FBXL4: variants seen among roughly 807,000 people sequenced by gnomAD.
FBXL4 encodes F-box and leucine rich repeat protein 4.
FBXL4 carries 40 observed loss-of-function variants against 58.9 expected under a neutral mutation model. The ratio of observed to expected loss-of-function variants is 0.68; its 90% CI spans 0.53 to 0.88. The LOEUF (loss-of-function observed/expected upper bound fraction) is 0.88, where lower values mean the gene tolerates loss of function less well. FBXL4 is among the 40% of genes least tolerant of loss of function. The pLI is 0.00. For missense variants in FBXL4, 676 were observed against 734.4 expected (o/e 0.92, Z 0.92); for synonymous variants, 263 against 265.5 (o/e 0.99, Z 0.09).
chr6:98,910,860 C>T (rs947337448), intron 5 of FBXL4, among the ~76,000 whole-genome samples: 4 of 152,084 alleles, frequency 2.6e-5, no homozygotes, highest in South Asian at 2.1e-4. Context: ...GTGCGCCAGC[C>T]GAAGCAGGGC....
In FBXL4 at chr6:98,874,348, TC is replaced by T; in HGVS notation, c.1795del (p.Asp599IlefsTer6). 1 of 1,613,078 alleles carries T rather than the reference TC, an allele frequency of 6.2e-7. No homozygotes were observed. ...ATTCAGTTCTAGCACAGCTCTGTTA[TC>T]AATCTGCGAACAGAAGGACACATCA... ...LLDVSFCSQI[D>X]NRAVLELNAS... is the part of the protein sequence containing the mutation. On this transcript the variant is annotated frameshift_variant, in exon 10 of 10. Transcript: ENST00000369244. LOFTEE classifies it high-confidence loss of function.
At chr6:98,901,343 TGAA>T (rs1169273549) in intron 6 of FBXL4, among the ~76,000 whole-genome samples, 1 of 151,360 alleles carries the variant, frequency 6.6e-6, no homozygotes, top group Admixed American at 6.6e-5. Flanking sequence ...ACAAGCAGAG[TGAA>T]GAACAGTGAG....
At chr6:98,942,572 CT>C (rs1248963293) in intron 1 of FBXL4, among the ~76,000 whole-genome samples, 1 of 152,120 alleles carries the variant, frequency 6.6e-6, no homozygotes, top group Non-Finnish European at 1.5e-5. Context: ...ATGTAAGACC[CT>C]TGCTCCTGCT....
intron 1 of FBXL4, among the ~76,000 whole-genome samples, chr6:98,941,075 C>T (rs980636100): frequency 5.3e-5 from 8 of 152,144 alleles, no homozygotes; most frequent in Non-Finnish European, 1.5e-5. Flanking sequence ...GAGGTATTTA[C>T]TCAAGTGTAC....
At position 98,900,226 on chromosome 6, in the gene FBXL4, A is replaced by C. The variant is rs142613504; in HGVS notation, c.1104-745T>G. Among the ~76,000 whole-genome samples the C allele has an allele frequency of 4.0e-3, 612 of 152,312 alleles. 2 individuals are homozygous for C. Among genetic ancestry groups the C allele is most frequent in the Middle Eastern group, 6.8e-3 (2 of 294 alleles). On this transcript the variant is annotated intron_variant, in intron 6 of 9. Coordinates refer to ENST00000369244, the MANE Select transcript of FBXL4 (RefSeq NM_001278716.2). ...TGAAAACAATCTAAAAGTAAACATG[A>C]ATCTAGGAGTATTTGAATCCATGAA...
At chr6:98,878,077 A>G (rs577122607) in intron 8 of FBXL4, among the ~76,000 whole-genome samples, 1 of 152,202 alleles carries the variant, frequency 6.6e-6, no homozygotes, top group Non-Finnish European at 1.5e-5. Flanking sequence ...CTAATTTAGT[A>G]TCTACATTAA....
rs1773143296 is a variant in FBXL4 at position 98,934,787 on chromosome 6, A to G, written c.-216T>C. The G allele has an allele frequency of 6.6e-6, 1 of 152,328 alleles. No individual in the cohort carries two copies. Among genetic ancestry groups the G allele is most frequent in the Middle Eastern group, 3.4e-3 (1 of 294 alleles). 9.4% of individuals were successfully genotyped at this position (152,328 alleles called of 1,614,324 possible). On this transcript the variant is annotated 5_prime_UTR_variant, in exon 2 of 10. Transcript: ENST00000369244. Reference sequence around the variant, plus strand: ...CTGAAACATATGGATCAAGAGGAAGACTGGAGACTCCTATCCAGCTTCAAA... The same window carrying G: ...CTGAAACATATGGATCAAGAGGAAGGCTGGAGACTCCTATCCAGCTTCAAA...
intron 7 of FBXL4, among the ~76,000 whole-genome samples, chr6:98,890,446 T>C (rs947836368): frequency 1.3e-5 from 2 of 152,188 alleles, no homozygotes; most frequent in African/African-American, 2.4e-5. Flanking sequence ...TATAAAAGTA[T>C]ATTCACTAAA....
intron 2 of FBXL4, among the ~76,000 whole-genome samples, chr6:98,933,183 GCT>G (rs1406308390): frequency 6.6e-6 from 1 of 152,148 alleles, no homozygotes; most frequent in Non-Finnish European, 1.5e-5. Flanking sequence ...ATTCCTATCA[GCT>G]CTCTTTCCTG....
Position 98,870,743 on chromosome 6 carries a change from A to T in FBXL4, c.*3535T>A, listed in dbSNP as rs1349401002. ...TTTTAAAAATCAGATTAGATGTCAG[A>T]GTATGATGTTTAATATGCAATGTCA... On this transcript the variant is annotated 3_prime_UTR_variant, in exon 10 of 10. Coordinates refer to ENST00000369244, the MANE Select transcript of FBXL4 (RefSeq NM_001278716.2). The T allele has an allele frequency of 6.6e-6, 1 of 152,206 alleles. No homozygotes were observed. Among genetic ancestry groups the T allele is most frequent in the Non-Finnish European group, 1.5e-5 (1 of 68,042 alleles). The allele number at this position is 152,206 out of a possible 1,614,324, so 9.4% of individuals were successfully genotyped here. A position where few individuals can be genotyped will look rare whatever the true frequency, so the allele number is the denominator to read the frequency against.
intron 7 of FBXL4, among the ~76,000 whole-genome samples, chr6:98,886,678 G>C (rs914324607): frequency 6.6e-6 from 1 of 152,180 alleles, no homozygotes; most frequent in Non-Finnish European, 1.5e-5. Context: ...TGAAGGTATA[G>C]AGGTCCTGCT....
chr6:98,942,272 T>C (rs1380337654), intron 1 of FBXL4, among the ~76,000 whole-genome samples: 1 of 151,968 alleles, frequency 6.6e-6, no homozygotes, highest in African/African-American at 2.4e-5. Context: ...AGTGACCTTA[T>C]AGTTAAATCT....
intron 7 of FBXL4, among the ~76,000 whole-genome samples, chr6:98,889,246 A>C (rs1206486996): frequency 6.6e-6 from 1 of 152,210 alleles, no homozygotes; most frequent in East Asian, 1.9e-4. Flanking sequence ...AGGACTGCAA[A>C]GGAATTAGTC....
At chr6:98,882,243 A>T (rs878963923) in intron 7 of FBXL4, among the ~76,000 whole-genome samples, 1 of 151,870 alleles carries the variant, frequency 6.6e-6, no homozygotes, top group Non-Finnish European at 1.5e-5. Context: ...ACATTTTGAC[A>T]TTCTTTGCTT....
At chr6:98,929,544 C>A (rs942023837) in intron 2 of FBXL4, among the ~76,000 whole-genome samples, 5 of 145,866 alleles carry the variant, frequency 3.4e-5, no homozygotes, top group Non-Finnish European at 5.9e-5. Context: ...GCACTCCAGC[C>A]TGGGCAACAA....
At chr6:98,927,630 T>C (rs1287531737) in intron 3 of FBXL4, 75 bp downstream of exon 3, 1 of 152,356 alleles carries the variant, frequency 6.6e-6, no homozygotes, top group African/African-American at 2.4e-5. Context: ...TTATAACTCC[T>C]AGCATTATTT....
chr6:98,931,542 G>A (rs1773010324), intron 2 of FBXL4, among the ~76,000 whole-genome samples: 1 of 152,052 alleles, frequency 6.6e-6, no homozygotes, highest in African/African-American at 2.4e-5. Flanking sequence ...AATTTTTAAA[G>A]GAAGGAAATG....
At position 98,870,452 on chromosome 6, in the gene FBXL4, A is replaced by G. The variant is rs1425558686; in HGVS notation, c.*3826T>C. The G allele has an allele frequency of 6.6e-6, 1 of 152,228 alleles. No individual in the cohort carries two copies. The highest frequency in any genetic ancestry group is 2.4e-5 in the African/African-American group (1 of 41,462). 9.4% of individuals were successfully genotyped at this position (152,228 alleles called of 1,614,324 possible). A position where few individuals can be genotyped will look rare whatever the true frequency, so the allele number is the denominator to read the frequency against. Reference sequence around the variant, plus strand: ...CATGGCCACACTCATTCGTTTAGGTACTGTCTATGATTGCTTTCACATTAG... The same window carrying G: ...CATGGCCACACTCATTCGTTTAGGTGCTGTCTATGATTGCTTTCACATTAG... On this transcript the variant is annotated 3_prime_UTR_variant, in exon 10 of 10. Transcript: ENST00000369244.
intron 5 of FBXL4, among the ~76,000 whole-genome samples, chr6:98,912,229 G>A (rs9372983): frequency 0.072 from 10,960 of 152,268 alleles, 598 homozygotes; most frequent in East Asian, 0.28. Flanking sequence ...CAGGGAGAAT[G>A]GAACCAAGTT....
Sources: allele counts gnomAD v4.1 joint callset (sites outside exome capture counted in the v4.1 genomes callset), GRCh38; gene constraint gnomAD v4.1.1; transcripts MANE v1.5; gene names NCBI Gene and HGNC (gene_info 2026-07-23, HGNC 2026-07-21).